RRBP1: variants seen among roughly 807,000 people sequenced by gnomAD.
RRBP1 encodes the protein ribosome binding protein 1.
RRBP1 carries 94 observed loss-of-function variants against 165.2 expected under a neutral mutation model. The observed-to-expected ratio is 0.57, with a 90% CI of 0.48 to 0.68. RRBP1 has a LOEUF of 0.68. RRBP1 is among the 30% of genes least tolerant of loss of function. The probability of loss-of-function intolerance (pLI) is 0.00; values close to 1 mark genes in which losing one functional copy is unlikely to be tolerated. For missense variants in RRBP1, 1,676 were observed against 1,763.0 expected (o/e 0.95, Z 0.88); for synonymous variants, 680 against 714.5 (o/e 0.95, Z 0.77).
rs371589825 is a variant in RRBP1, at chr20:17,629,815, G to A, written c.2749+8C>T. 71 of 1,595,014 alleles carry A rather than the reference G, an allele frequency of 4.5e-5. No homozygotes were observed. Among genetic ancestry groups the A allele is most frequent in the Admixed American group, 4.2e-4 (25 of 59,824 alleles). On this transcript the variant is annotated splice_region_variant and intron_variant, in intron 9 of 24. Coordinates refer to ENST00000377813, the MANE Select transcript of RRBP1 (RefSeq NM_001365613.2). ...CTGAACCCCCGGCCCCACTGCCGCC[G>A]CCCTTACCGGCCATCTGCTGCTGTT...
chr20:17,672,433 T>C (rs1207510287), intron 2 of RRBP1, among the ~76,000 whole-genome samples: 1 of 152,206 alleles, frequency 6.6e-6, no homozygotes, highest in Non-Finnish European at 1.5e-5. Flanking sequence ...ACATCCTCTC[T>C]CTGTGACAGC....
chr20:17,678,650 T>C (rs972481325), intron 2 of RRBP1, among the ~76,000 whole-genome samples: 4 of 152,242 alleles, frequency 2.6e-5, no homozygotes, highest in African/African-American at 9.6e-5. Context: ...CTTTCTGTGA[T>C]GGTGGAAACC....
chr20:17,678,398 T>C (rs1185976637), intron 2 of RRBP1, among the ~76,000 whole-genome samples: 1 of 152,258 alleles, frequency 6.6e-6, no homozygotes, highest in Non-Finnish European at 1.5e-5. Context: ...ACTATCTGTG[T>C]GGCCCCCCTC....
intron 1 of RRBP1, among the ~76,000 whole-genome samples, chr20:17,681,500 T>G: frequency 6.9e-6 from 1 of 145,524 alleles, no homozygotes; most frequent in South Asian, 2.2e-4. Flanking sequence ...TGGGCCCCCA[T>G]TCAATCCCGC....
chr20:17,617,246 A>G (rs1470882674), intron 20 of RRBP1, among the ~76,000 whole-genome samples: 1 of 152,226 alleles, frequency 6.6e-6, no homozygotes, highest in Non-Finnish European at 1.5e-5. Flanking sequence ...AGAAAAGATT[A>G]TGAGATAACA....
At chr20:17,633,391 A>T in intron 8 of RRBP1, 69 bp downstream of exon 8, 1 of 1,537,896 alleles carries the variant, frequency 6.5e-7, no homozygotes. Flanking sequence ...GCCTGGGCCC[A>T]TCCCCGCTAT....
At chr20:17,620,555 G>A (rs1292227576) in intron 17 of RRBP1, 160 bp downstream of exon 17, 2 of 796,186 alleles carry the variant, frequency 2.5e-6, no homozygotes, top group Non-Finnish European at 4.3e-6. Flanking sequence ...CCTCCTGGAG[G>A]ACGGACTGAG....
Position 17,614,598 on chromosome 20 carries a change from C to A in RRBP1, c.4194+139G>T, listed in dbSNP as rs561469274. ...CTCTGTCCCCACTACCTCCGCCCAG[C>A]TCTGCCTCCCCTGGGGCTCCCAGCC... is the stretch of plus-strand genomic sequence containing the variant. On this transcript the variant is annotated intron_variant, in intron 24 of 24. Coordinates refer to ENST00000377813, the MANE Select transcript of RRBP1 (RefSeq NM_001365613.2). 153 of 1,093,416 alleles carry A rather than the reference C, an allele frequency of 1.4e-4. 5 individuals carry two copies. In the South Asian group the frequency reaches 2.1e-3, roughly 15 times the overall value. The allele number at this position is 1,093,416 out of a possible 1,614,324, so 67.7% of individuals were successfully genotyped here.
intron 21 of RRBP1, 25 bp downstream of exon 21, chr20:17,616,707 C>G: frequency 1.3e-6 from 2 of 1,510,292 alleles, no homozygotes; most frequent in Admixed American, 1.8e-5. Flanking sequence ...AGTGATGTGT[C>G]TGGGGACCAG....
rs1195279713 is a variant in RRBP1 at position 17,660,483 on chromosome 20, A to G, written c.25T>C (p.Leu9=). MDIYDTQT[L]GVVVFGGFMV... is the part of the protein sequence containing the mutation. ...AATCCTCCAAAGACCACAACCCCCA[A>G]GGTTTGAGTGTCGTAAATATCCATC... Residue 9 remains leucine, a synonymous_variant, in exon 3 of 25, where the codon TTG becomes CTG. Transcript: ENST00000377813. 1 of 1,613,888 alleles carries G rather than the reference A, an allele frequency of 6.2e-7. No homozygotes were observed. Among genetic ancestry groups the G allele is most frequent in the East Asian group, 2.2e-5 (1 of 44,882 alleles).
At chr20:17,634,095 T>C (rs968692608) in intron 7 of RRBP1, among the ~76,000 whole-genome samples, 1 of 152,160 alleles carries the variant, frequency 6.6e-6, no homozygotes, top group Non-Finnish European at 1.5e-5. Context: ...AGGACTGCAC[T>C]TCAAAAGCTG....
Position 17,633,587 on chromosome 20 carries a change from C to A in RRBP1, c.2483G>T (p.Arg828Leu). The part of the protein sequence containing the change: ...SKQNAELAKL[R>L]QELSKVSKEL... ...TTTGCTGACCTTGCTGAGCTCCTGC[C>A]GAAGCTTGGCCAGCTCTGCGTTCTG... Residue 828 changes from arginine to leucine, a missense_variant, in exon 8 of 25, where the codon CGG (arginine) becomes CTG (leucine). By Grantham distance (102) the Arg-to-Leu change is moderately radical. This residue lies in a region of RRBP1 where 1,184 missense variants were observed against 1,167.1 expected (regional missense o/e 1.01). Transcript: ENST00000377813. 6.2e-7 allele frequency: 1 copy of A among 1,613,970 alleles called. No individual in the cohort carries two copies.
intron 2 of RRBP1, among the ~76,000 whole-genome samples, chr20:17,679,559 C>A (rs1418808537): frequency 2.6e-5 from 4 of 152,172 alleles, no homozygotes. Context: ...AGTCTGGGGT[C>A]CCGACACTTT....
chr20:17,628,278 A>G (rs1196228192), intron 9 of RRBP1, among the ~76,000 whole-genome samples: 1 of 152,110 alleles, frequency 6.6e-6, no homozygotes, highest in African/African-American at 2.4e-5. Context: ...CCTCTTCTAA[A>G]TGAAGCTCTA....
chr20:17,655,425 T>C (rs796421204), intron 3 of RRBP1, among the ~76,000 whole-genome samples: 20 of 152,386 alleles, frequency 1.3e-4, no homozygotes, highest in African/African-American at 4.3e-4. Flanking sequence ...ACTCATTTAA[T>C]GTCTCTGCCT....
intron 3 of RRBP1, among the ~76,000 whole-genome samples, chr20:17,653,146 G>A (rs763217380): frequency 5.9e-5 from 9 of 152,174 alleles, no homozygotes; most frequent in Non-Finnish European, 1.2e-4. Context: ...CTGCAGTGGT[G>A]GGAATTCTGC....
chr20:17,621,574 G>A, intron 15 of RRBP1, 27 bp from the exon 16 acceptor site: 3 of 1,600,108 alleles, frequency 1.9e-6, no homozygotes, highest in Non-Finnish European at 2.6e-6. Context: ...CAGGTGTTTA[G>A]TTAGCCACAC....
chr20:17,625,392 G>A (rs2035997311), intron 12 of RRBP1, 120 bp downstream of exon 12: 8 of 840,846 alleles, frequency 9.5e-6, no homozygotes, highest in East Asian at 5.1e-5. Context: ...ACAATGGGGT[G>A]TAGAAACACA....
In RRBP1 at chr20:17,614,891, G is replaced by A. The variant is rs1185039179; in HGVS notation, c.4051-11C>T. ...TTTTTCTAGTCTCTCCTGATGGTCAGAAGGTTGACGGGCATCAGCCCTTGC... is the reference window on the plus strand; with the variant it reads ...TTTTTCTAGTCTCTCCTGATGGTCAAAAGGTTGACGGGCATCAGCCCTTGC... On this transcript the variant is annotated splice_polypyrimidine_tract_variant and intron_variant, in intron 23 of 24. Transcript: ENST00000377813. 3 of 1,611,806 alleles carry A rather than the reference G, an allele frequency of 1.9e-6. No individual in the cohort carries two copies. The highest frequency in any genetic ancestry group is 1.7e-6 in the Non-Finnish European group (2 of 1,179,850).
Sources: gnomAD v4.1 joint callset for allele counts (sites outside exome capture counted in the v4.1 genomes callset) on GRCh38, gnomAD v4.1.1 for gene constraint, gnomAD v4.1.1 regional missense constraint, MANE v1.5 for transcripts, NCBI Gene and HGNC (gene_info 2026-07-23, HGNC 2026-07-21) for gene names.